The following LAMB2 variants were observed in gnomAD, a reference collection of about 807,000 sequenced individuals.
The protein encoded by LAMB2 is laminin subunit beta-2.
In LAMB2, 119 loss-of-function variants were observed where a neutral mutation model predicts 202.7. That is an observed-to-expected ratio of 0.59 (90% CI 0.51 to 0.68). LAMB2 has a LOEUF of 0.68. Ranked by LOEUF, LAMB2 falls within the 30% of genes least tolerant of loss-of-function variation. The pLI is 0.00. For synonymous variants in LAMB2, 818 were observed against 902.2 expected (o/e 0.91, Z 1.67); for missense variants, 2,124 against 2,410.6 (o/e 0.88, Z 2.49).
chr3:49,132,363 A>G lies in LAMB2; in HGVS notation c.292T>C (p.Ser98Pro). ...CFLCDSRRPF[S>P]ARDNPHSHRI... Reference sequence around the variant, plus strand: ...TGGCTGTGTGGGTTGTCTCTAGCAGAGAAGGGGCGCCGGGAGTCACAAAGG... The same window carrying G: ...TGGCTGTGTGGGTTGTCTCTAGCAGGGAAGGGGCGCCGGGAGTCACAAAGG... Residue 98 changes from serine to proline, a missense_variant, in exon 3 of 32, where the codon TCT (serine) becomes CCT (proline). By Grantham distance (74) the Ser-to-Pro change is moderately conservative. Transcript: ENST00000305544. The surrounding 1 kb of genome is among the most constrained non-coding windows in gnomAD (Gnocchi z 4.6). 1 of 1,614,250 alleles carries G rather than the reference A, an allele frequency of 6.2e-7. No homozygotes were observed. Among genetic ancestry groups the G allele is most frequent in the Non-Finnish European group, 8.5e-7 (1 of 1,180,048 alleles).
In LAMB2 at chr3:49,124,518, G is replaced by A. The variant is rs1325580174; in HGVS notation, c.3204C>T (p.Leu1068=). 1 of 1,613,792 alleles carries A rather than the reference G, an allele frequency of 6.2e-7. No homozygotes were observed. Among genetic ancestry groups the A allele is most frequent in the Non-Finnish European group, 8.5e-7 (1 of 1,179,976 alleles). ...CDPSSGQCPC[L]PNVQGPSCDR... is the part of the protein sequence containing the mutation. ...CACAGCTAGGGCCCTGGACATTGGG[G>A]AGGCATGGGCACTGCCCACTGCTTG... The change falls in exon 22 of 32, where the codon CTC becomes CTT. Residue 1068 remains leucine (L), a synonymous_variant. Coordinates refer to ENST00000305544, the MANE Select transcript of LAMB2 (RefSeq NM_002292.4).
rs1575533843 is a variant in LAMB2, at chr3:49,126,084, T to C, written c.2227A>G (p.Thr743Ala). The part of the protein sequence containing the change: ...GDAAALERQA[T>A]FERYQCHEEG... The stretch of plus-strand genomic sequence containing the variant: ...TCATGGCATTGGTAGCGTTCAAAGG[T>C]GGCCTGGCGCTCCAGGGCAGCAGCA... Residue 743 changes from threonine to alanine, a missense_variant, in exon 17 of 32, where the codon ACC becomes GCC. Transcript: ENST00000305544. The C allele has an allele frequency of 6.2e-7, 1 of 1,613,958 alleles. No homozygotes were observed. Among genetic ancestry groups the C allele is most frequent in the Non-Finnish European group, 8.5e-7 (1 of 1,179,992 alleles).
Position 49,131,545 on chromosome 3 carries a change from G to C in LAMB2, c.638C>G (p.Thr213Ser). 1.2e-6 allele frequency: 2 copies of C among 1,614,010 alleles called. No individual in the cohort carries two copies. The highest frequency in any genetic ancestry group is 1.7e-6 in the Non-Finnish European group (2 of 1,180,024). ...ESRYSEIEPS[T>S]EGEVIYRVLD... ...GATGCCAGCCCTCACCTCGCCTTCA[G>C]TGGATGGCTCAATCTCTGAGTAGCG... The change falls in exon 5 of 32, where the codon ACT (threonine) becomes AGT (serine). Residue 213 changes from threonine to serine, a missense_variant. This residue lies in a region of LAMB2 where 256 missense variants were observed against 356.1 expected (regional missense o/e 0.72). Transcript: ENST00000305544. This position sits in a 1 kb window ranked among gnomAD's most constrained non-coding sequence, Gnocchi z 5.0.
Position 49,126,007 on chromosome 3 carries a change from G to A in LAMB2, c.2304C>T (p.Leu768=). ...KTSPSEACAP[L]LISLSTLIYN... ...AGATGAGGGTGGACAGGCTGATGAG[G>A]AGGGGTGCGCAGGCCTCAGAGGGAG... Residue 768 remains leucine, a synonymous_variant, in exon 17 of 32, where the codon CTC becomes CTT. Coordinates refer to ENST00000305544, the MANE Select transcript of LAMB2 (RefSeq NM_002292.4). The A allele has an allele frequency of 2.5e-6, 4 of 1,614,190 alleles. No individual in the cohort carries two copies. The highest frequency in any genetic ancestry group is 1.1e-5 in the South Asian group (1 of 91,082).
Position 49,121,606 on chromosome 3 carries a change from G to A in LAMB2, c.5101-14C>T, listed in dbSNP as rs76647653. Reference sequence around the variant, plus strand: ...ACCGCGTAGCAGCTGCAGATGTAGAGGGTTAGGTTAGCGTGGTAGCTCAGT... The same window carrying A: ...ACCGCGTAGCAGCTGCAGATGTAGAAGGTTAGGTTAGCGTGGTAGCTCAGT... On this transcript the variant is annotated splice_polypyrimidine_tract_variant and intron_variant, in intron 30 of 31. Transcript: ENST00000305544. The A allele has an allele frequency of 8.7e-6, 14 of 1,614,000 alleles. No homozygotes were observed. The highest frequency in any genetic ancestry group is 2.2e-5 in the East Asian group (1 of 44,894).
chr3:49,129,661 G>A lies in LAMB2; in HGVS notation c.1461C>T (p.Asn487=). 6.2e-7 allele frequency: 1 copy of A among 1,614,198 alleles called. No homozygotes were observed. Among genetic ancestry groups the A allele is most frequent in the Non-Finnish European group, 8.5e-7 (1 of 1,180,012 alleles). ...TVPGSTPCDP[N]SGSCYCKRLV... ...GACGTTTGCAGTAACAGGATCCACT[G>A]TTGGGGTCACAAGGAGTGCTCCCAG... is the stretch of plus-strand genomic sequence containing the variant. Residue 487 remains asparagine, a synonymous_variant, in exon 11 of 32, where the codon AAC becomes AAT. Coordinates refer to ENST00000305544, the MANE Select transcript of LAMB2 (RefSeq NM_002292.4). The surrounding 1 kb of genome is among the most constrained non-coding windows in gnomAD (Gnocchi z 6.1).
chr3:49,125,026 T>C lies in LAMB2; in HGVS notation c.2864A>G (p.His955Arg), dbSNP rs1239969732. ...QDEYSQQIVC[H>R]CRAGYTGLRC... ...CTCACCCGTATAGCCTGCCCGGCAGTGGCACACAATCTGCTGGGAATATTC... is the reference window on the plus strand; with the variant it reads ...CTCACCCGTATAGCCTGCCCGGCAGCGGCACACAATCTGCTGGGAATATTC... The change falls in exon 20 of 32, where the codon CAC becomes CGC. Residue 955 changes from histidine to arginine, a missense_variant. Transcript: ENST00000305544. 6.2e-7 allele frequency: 1 copy of C among 1,613,930 alleles called. No homozygotes were observed. Among genetic ancestry groups the C allele is most frequent in the Non-Finnish European group, 8.5e-7 (1 of 1,180,038 alleles).
chr3:49,129,677 G>A lies in LAMB2; in HGVS notation c.1445C>T (p.Thr482Ile), dbSNP rs1278690242. 25 of 1,614,050 alleles carry A rather than the reference G, an allele frequency of 1.5e-5. No individual in the cohort carries two copies. Among genetic ancestry groups the A allele is most frequent in the Non-Finnish European group, 1.9e-5 (23 of 1,180,032 alleles). ...GGATCCACTGTTGGGGTCACAAGGA[G>A]TGCTCCCAGGCACTGTGCCCCGTGC... Reference protein sequence around the residue: ...CNARGTVPGSTPCDPNSGSCY... With the variant: ...CNARGTVPGSIPCDPNSGSCY... Residue 482 changes from threonine (T) to isoleucine (I), a missense_variant, in exon 11 of 32, where the codon ACT becomes ATT. Thr to Ile is a moderately conservative substitution (Grantham distance 89, BLOSUM62 -1). Around this residue, in one of 3 missense-constraint regions of LAMB2, gnomAD observed 1,702 missense variants for 1,896.3 expected, o/e 0.90. Transcript: ENST00000305544. The surrounding 1 kb of genome is among the most constrained non-coding windows in gnomAD (Gnocchi z 6.1).
rs199580679 is a variant in LAMB2 at position 49,121,757 on chromosome 3, C to T, written c.5027G>A (p.Gly1676Glu). Reference protein sequence around the residue: ...LLEALKLKRAGNSLAASTAEE... With the variant: ...LLEALKLKRAENSLAASTAEE... ...TGCTGTAGAGGCTGCCAGACTATTTCCTGCCCGTTTCAATTTCAGAGCCTC... is the reference window on the plus strand; with the variant it reads ...TGCTGTAGAGGCTGCCAGACTATTTTCTGCCCGTTTCAATTTCAGAGCCTC... Residue 1676 changes from glycine (G) to glutamate (E), a missense_variant, in exon 30 of 32, where the codon GGA becomes GAA. Around this residue, in one of 3 missense-constraint regions of LAMB2, gnomAD observed 1,702 missense variants for 1,896.3 expected, o/e 0.90. Coordinates refer to ENST00000305544, the MANE Select transcript of LAMB2 (RefSeq NM_002292.4). 6.2e-7 allele frequency: 1 copy of T among 1,613,774 alleles called. No homozygotes were observed. Among genetic ancestry groups the T allele is most frequent in the Non-Finnish European group, 8.5e-7 (1 of 1,180,018 alleles).
In LAMB2 at chr3:49,126,062, T is replaced by A. The variant is rs1465772828; in HGVS notation, c.2249A>T (p.His750Leu). The A allele has an allele frequency of 3.7e-6, 6 of 1,614,020 alleles. No homozygotes were observed. The highest frequency in any genetic ancestry group is 5.1e-6 in the Non-Finnish European group (6 of 1,180,024). Residue 750 changes from histidine (H) to leucine (L), a missense_variant, in exon 17 of 32, where the codon CAT becomes CTT. Physicochemically the swap from His to Leu is moderately conservative, Grantham distance 99 (BLOSUM62 -3). This residue lies in a region of LAMB2 where 1,702 missense variants were observed against 1,896.3 expected (regional missense o/e 0.90). Transcript: ENST00000305544. ...CTTGCTGGGCACCAGACCCTCCTCA[T>A]GGCATTGGTAGCGTTCAAAGGTGGC... ...RQATFERYQC[H>L]EEGLVPSKTS...
Position 49,125,504 on chromosome 3 carries a change from G to C in LAMB2, c.2489-20C>G. 1 of 1,558,080 alleles carries C rather than the reference G, an allele frequency of 6.4e-7. No individual in the cohort carries two copies. Among genetic ancestry groups the C allele is most frequent in the Non-Finnish European group, 8.7e-7 (1 of 1,148,724 alleles). Reference sequence around the variant, plus strand: ...GGCAGGCTAGGAGCAAGGCAGAGCTGAGCCAGAGCCAGGGGAGGGGGTCTG... The same window carrying C: ...GGCAGGCTAGGAGCAAGGCAGAGCTCAGCCAGAGCCAGGGGAGGGGGTCTG... On this transcript the variant is annotated intron_variant, in intron 18 of 31. Transcript: ENST00000305544.
chr3:49,127,057 C>A (rs916245633), intron 15 of LAMB2, among the ~76,000 whole-genome samples: 3 of 152,150 alleles, frequency 2.0e-5, no homozygotes, highest in Non-Finnish European at 4.4e-5. Flanking sequence ...GTGACCTTGG[C>A]TCACTGCAGC....
chr3:49,126,439 G>T lies in LAMB2; in HGVS notation c.2077C>A (p.Leu693Met), dbSNP rs757721201. The change falls in exon 16 of 32, where the codon CTG becomes ATG. Residue 693 changes from leucine to methionine, a missense_variant. By Grantham distance (15) the Leu-to-Met change is conservative. Transcript: ENST00000305544. Reference protein sequence around the residue: ...LEPGISYKLHLKLVRTGGSAQ... With the variant: ...LEPGISYKLHMKLVRTGGSAQ... ...CTTCCCCCTGTCCGTACCAGCTTCA[G>T]ATGCAGCTTGTAGGAGATACCAGGC... The T allele has an allele frequency of 6.2e-7, 1 of 1,614,142 alleles. No homozygotes were observed.
Position 49,129,570 on chromosome 3 carries a change from A to G in LAMB2, c.1518+34T>C. 6.5e-7 allele frequency: 1 copy of G among 1,532,176 alleles called. No homozygotes were observed. The highest frequency in any genetic ancestry group is 9.0e-7 in the Non-Finnish European group (1 of 1,106,150). 94.9% of individuals were successfully genotyped at this position (1,532,176 alleles called of 1,614,324 possible). On this transcript the variant is annotated intron_variant, in intron 11 of 31. Transcript: ENST00000305544. The surrounding 1 kb of genome is among the most constrained non-coding windows in gnomAD (Gnocchi z 6.1). ...CAGCCCTGTGCTCTAAGGACAAATC[A>G]TGCCCCTAGAACTCCAGCCCCTTCC...
chr3:49,121,204 T>TG lies in LAMB2; in HGVS notation c.*21dup. 2 of 1,612,016 alleles carry TG rather than the reference T, an allele frequency of 1.2e-6. No individual in the cohort carries two copies. On this transcript the variant is annotated 3_prime_UTR_variant, in exon 32 of 32. Coordinates refer to ENST00000305544, the MANE Select transcript of LAMB2 (RefSeq NM_002292.4). ...ATGCATGTGGGGCAGTGCTAGGAAC[T>TG]GGGGTAGGCCTTGGGCAGGGGTCAC...
chr3:49,130,775 C>A lies in LAMB2; in HGVS notation c.1001G>T (p.Arg334Leu). 2 of 1,614,172 alleles carry A rather than the reference C, an allele frequency of 1.2e-6. No homozygotes were observed. Among genetic ancestry groups the A allele is most frequent in the Non-Finnish European group, 1.7e-6 (2 of 1,180,036 alleles). ...ATGACTATGGCCGTCCTCAGCCGGA[C>A]GCCAGGGCAGGTCACGATAGAAATC... is the stretch of plus-strand genomic sequence containing the variant. ...CQDFYRDLPW[R>L]PAEDGHSHAC... Residue 334 changes from arginine to leucine, a missense_variant, in exon 8 of 32, where the codon CGT becomes CTT. By Grantham distance (102) the Arg-to-Leu change is moderately radical. Coordinates refer to ENST00000305544, the MANE Select transcript of LAMB2 (RefSeq NM_002292.4). The surrounding 1 kb of genome is among the most constrained non-coding windows in gnomAD (Gnocchi z 5.0).
In LAMB2 at chr3:49,122,326, C is replaced by G. The variant is rs750544505; in HGVS notation, c.4618G>C (p.Val1540Leu). 8.7e-6 allele frequency: 14 copies of G among 1,613,300 alleles called. No homozygotes were observed. The highest frequency in any genetic ancestry group is 1.0e-5 in the Non-Finnish European group (12 of 1,179,982). Residue 1540 changes from valine to leucine, a missense_variant, in exon 28 of 32, where the codon GTG (valine) becomes CTG (leucine). Around this residue, in one of 3 missense-constraint regions of LAMB2, gnomAD observed 1,702 missense variants for 1,896.3 expected, o/e 0.90. Coordinates refer to ENST00000305544, the MANE Select transcript of LAMB2 (RefSeq NM_002292.4). ...PDSIEMVATRVLELSIPASAE... is the reference protein window; with the variant it reads ...PDSIEMVATRLLELSIPASAE... Reference sequence around the variant, plus strand: ...GAAGCTGGGATGGAGAGCTCTAGCACCCGTGTGGCCACCATTTCAATGCTA... The same window carrying G: ...GAAGCTGGGATGGAGAGCTCTAGCAGCCGTGTGGCCACCATTTCAATGCTA...
At position 49,123,832 on chromosome 3, in the gene LAMB2, G is replaced by A; in HGVS notation, c.3693C>T (p.Phe1231=). 1 of 1,613,280 alleles carries A rather than the reference G, an allele frequency of 6.2e-7. No homozygotes were observed. Among genetic ancestry groups the A allele is most frequent in the Non-Finnish European group, 8.5e-7 (1 of 1,179,870 alleles). ...TGCCCAGCTTCTCCTGCATGTGCCA[G>A]AAGCTGCTCTCAAAGGCACCCAGCA... ...TGVLGAFESS[F]WHMQEKLGIV... Residue 1231 remains phenylalanine (F), a synonymous_variant, in exon 24 of 32, where the codon TTC becomes TTT. Coordinates refer to ENST00000305544, the MANE Select transcript of LAMB2 (RefSeq NM_002292.4).
intron 29 of LAMB2, 36 bp from the exon 30 acceptor site, chr3:49,121,896 G>T: frequency 6.2e-7 from 1 of 1,613,602 alleles, no homozygotes; most frequent in Non-Finnish European, 8.5e-7. Context: ...ACAGATCTAC[G>T]GTTCATGCCC....
Sources: gnomAD v4.1 joint callset for allele counts (sites outside exome capture counted in the v4.1 genomes callset) on GRCh38, gnomAD v4.1.1 for gene constraint, gnomAD v4.1.1 regional missense constraint, Gnocchi (gnomAD v3.1) non-coding constraint, MANE v1.5 for transcripts, NCBI Gene and HGNC (gene_info 2026-07-23, HGNC 2026-07-21) for gene names.